The following RRM2 variants were observed in gnomAD, a reference collection of about 807,000 sequenced individuals.
RRM2 encodes the protein ribonucleoside-diphosphate reductase subunit M2.
A neutral mutation model predicts 45.9 loss-of-function variants in RRM2; 6 were observed. The ratio of observed to expected loss-of-function variants is 0.13; its 90% CI spans 0.07 to 0.26. The LOEUF (loss-of-function observed/expected upper bound fraction) is 0.26, where lower values mean the gene tolerates loss of function less well. Ranked by LOEUF, RRM2 falls within the 10% of genes least tolerant of loss-of-function variation. RRM2 has a pLI of 1.00. For synonymous variants in RRM2, 177 were observed against 173.0 expected (o/e 1.02, Z -0.18); for missense variants, 343 against 489.5 (o/e 0.70, Z 2.82).
At chr2:10,183,049 C>G (rs142382487) in intron 3 of RRM2, among the ~76,000 whole-genome samples, 1 of 151,974 alleles carries the variant, frequency 6.6e-6, no homozygotes, top group South Asian at 2.1e-4. Context: ...TATGGTGGCG[C>G]GTACCCAGCT....
chr2:10,182,590 G>A (rs1558400171), intron 3 of RRM2, among the ~76,000 whole-genome samples: 1 of 152,156 alleles, frequency 6.6e-6, no homozygotes, highest in Non-Finnish European at 1.5e-5. Flanking sequence ...TTCAGCCCAA[G>A]GAGTTCGAGG....
intron 3 of RRM2, chr2:10,145,464 G>C (rs1663169506): frequency 1.3e-5 from 2 of 152,246 alleles, no homozygotes. Flanking sequence ...TTTGTTCTAT[G>C]AACAATGCTG....
At position 10,123,377 on chromosome 2, in the gene RRM2, C is replaced by G. The variant is rs559010900; in HGVS notation, c.175-10C>G. ...CCGGTACTTAAATGTTTTATTTTCT[C>G]CCCCAACAGAAAACTAAAGCAGCTG... On this transcript the variant is annotated splice_polypyrimidine_tract_variant and intron_variant, in intron 2 of 9. Transcript: ENST00000304567. The G allele has an allele frequency of 1.2e-6, 2 of 1,600,812 alleles. No homozygotes were observed. Among genetic ancestry groups the G allele is most frequent in the African/African-American group, 2.7e-5 (2 of 73,558 alleles).
At chr2:10,135,430 T>C (rs1662971915), downstream of RRM2, among the ~76,000 whole-genome samples, 1 of 151,952 alleles carries the variant, frequency 6.6e-6, no homozygotes, top group Non-Finnish European at 1.5e-5. Context: ...GGATGACCAC[T>C]GGAGGCATAG....
chr2:10,180,373 C>T (rs777567580), intron 3 of RRM2, among the ~76,000 whole-genome samples: 2 of 152,288 alleles, frequency 1.3e-5, no homozygotes, highest in African/African-American at 4.8e-5. Flanking sequence ...ATTGTATTTC[C>T]GTCACCCTGG....
At chr2:10,194,300 G>T (rs558875543) in intron 3 of RRM2, among the ~76,000 whole-genome samples, 3 of 152,326 alleles carry the variant, frequency 2.0e-5, no homozygotes, top group Non-Finnish European at 4.4e-5. Context: ...AGGCGGTGGT[G>T]TGACGCTAGC....
At chr2:10,193,804 G>T (rs1306628897) in intron 3 of RRM2, among the ~76,000 whole-genome samples, 1 of 152,172 alleles carries the variant, frequency 6.6e-6, no homozygotes, top group Non-Finnish European at 1.5e-5. Flanking sequence ...TTCACCCTGG[G>T]GATGGGGCTG....
At chr2:10,210,328 C>A in exon 4 of RRM2, 1 of 1,367,482 alleles carries the variant, frequency 7.3e-7, no homozygotes, top group Middle Eastern at 2.1e-4. Context: ...GGATCTCAAC[C>A]AGTTCTCTCA....
Position 10,156,866 on chromosome 2 carries a change from C to T in RRM2, n.482+14491C>T, listed in dbSNP as rs72786674. On this transcript the variant is annotated intron_variant and non_coding_transcript_variant, in intron 3 of 3. Coordinates refer to the RRM2 transcript ENST00000381786. The stretch of plus-strand genomic sequence containing the variant: ...TGCTGCCAGGCTGGTCTTGAACAAC[C>T]AGGCTCGAGTGATCCTTCTGCCTCC... 6.9e-3 allele frequency among the ~76,000 whole-genome samples: 1,043 copies of T among 152,122 alleles called. 20 individuals are homozygous for T. Among genetic ancestry groups the T allele is most frequent in the East Asian group, 0.038 (195 of 5,138 alleles).
intron 3 of RRM2, among the ~76,000 whole-genome samples, chr2:10,202,921 G>A (rs1310305835): frequency 2.0e-5 from 3 of 152,090 alleles, no homozygotes; most frequent in Non-Finnish European, 4.4e-5. Flanking sequence ...CTAAAGCCAC[G>A]TCTTCCTCTG....
chr2:10,132,137 C>G (rs1431045713), downstream of RRM2, among the ~76,000 whole-genome samples: 3 of 152,224 alleles, frequency 2.0e-5, no homozygotes, highest in African/African-American at 7.2e-5. Flanking sequence ...TCATGACACC[C>G]ATCCCCAAAC....
At chr2:10,178,404 G>T (rs541078442) in intron 3 of RRM2, among the ~76,000 whole-genome samples, 33 of 151,910 alleles carry the variant, frequency 2.2e-4, no homozygotes, top group African/African-American at 7.7e-4. Context: ...TGTATTTTTA[G>T]TAGAGACAGA....
At chr2:10,140,441 A>G (rs1438514947), upstream of RRM2, among the ~76,000 whole-genome samples, 2 of 152,206 alleles carry the variant, frequency 1.3e-5, no homozygotes, top group Non-Finnish European at 2.9e-5. Flanking sequence ...CTATCTTTAC[A>G]GAAAATGCTT....
chr2:10,128,814 TC>T (rs1164445871), intron 7 of RRM2, 33 bp from the exon 8 acceptor site: 1 of 1,444,768 alleles, frequency 6.9e-7, no homozygotes, highest in Non-Finnish European at 9.7e-7. Context: ...ACAGAAGTCT[TC>T]TGGCTTTAGT....
intron 3 of RRM2, among the ~76,000 whole-genome samples, chr2:10,184,490 G>A (rs914089727): frequency 3.9e-5 from 6 of 152,258 alleles, no homozygotes; most frequent in Non-Finnish European, 8.8e-5. Context: ...GGGAGGCCCT[G>A]AGTCCTGGGC....
chr2:10,127,362 A>T lies in RRM2; in HGVS notation c.798+142A>T. On this transcript the variant is annotated intron_variant, in intron 7 of 9. Transcript: ENST00000304567. This position sits in a 1 kb window ranked among gnomAD's most constrained non-coding sequence, Gnocchi z 4.1. ...GAGTTCAACCATACACATACTTGACAAAAGAAGGAAATACTTTCATTTACT... is the reference window on the plus strand; with the variant it reads ...GAGTTCAACCATACACATACTTGACTAAAGAAGGAAATACTTTCATTTACT... 1 of 765,074 alleles carries T rather than the reference A, an allele frequency of 1.3e-6. No homozygotes were observed. Among genetic ancestry groups the T allele is most frequent in the Non-Finnish European group, 2.1e-6 (1 of 486,818 alleles). 47.4% of individuals were successfully genotyped at this position (765,074 alleles called of 1,614,324 possible). A position where few individuals can be genotyped will look rare whatever the true frequency, so the allele number is the denominator to read the frequency against.
In RRM2 at chr2:10,207,542, C is replaced by T. The variant is rs570314574; in HGVS notation, n.483-2769C>T. 1.4e-4 allele frequency among the ~76,000 whole-genome samples: 22 copies of T among 152,298 alleles called. No individual in the cohort carries two copies. In the East Asian group the frequency reaches 2.3e-3, roughly 16 times the overall value. ...CCACCCACCTCTCAGACTCACCTCC[C>T]GCCCCAGCCTCTCTGGACTCTTTTG... On this transcript the variant is annotated intron_variant and non_coding_transcript_variant, in intron 3 of 3. Coordinates refer to the RRM2 transcript ENST00000381786.
At chr2:10,165,706 C>T (rs754504717) in intron 3 of RRM2, among the ~76,000 whole-genome samples, 6 of 152,186 alleles carry the variant, frequency 3.9e-5, no homozygotes, top group South Asian at 4.1e-4. Context: ...ACACCACACA[C>T]GAGGAAAGGC....
At chr2:10,131,542 C>G (rs550358516), downstream of RRM2, 12 of 152,266 alleles carry the variant, frequency 7.9e-5, no homozygotes, top group African/African-American at 2.6e-4. Flanking sequence ...AGTTCGAGAT[C>G]AGCCTGGCCA....
Sources: allele counts gnomAD v4.1 joint callset (sites outside exome capture counted in the v4.1 genomes callset), GRCh38; gene constraint gnomAD v4.1.1; non-coding constraint Gnocchi (gnomAD v3.1); transcripts MANE v1.5; gene names NCBI Gene and HGNC (gene_info 2026-07-23, HGNC 2026-07-21).